RTN1: variants seen among roughly 807,000 people sequenced by gnomAD.
RTN1 encodes reticulon 1, also known as reticulon-1.
Under a neutral mutation model 65.5 loss-of-function variants are expected in RTN1, and 25 were observed. The observed-to-expected ratio is 0.38, with a 90% CI of 0.28 to 0.53. The LOEUF (loss-of-function observed/expected upper bound fraction) is 0.53. RTN1 is among the 20% of genes least tolerant of loss of function. RTN1 has a pLI of 0.79. For missense variants in RTN1, 983 were observed against 1,025.4 expected (o/e 0.96, Z 0.57); for synonymous variants, 471 against 447.6 (o/e 1.05, Z -0.66).
At chr14:59,798,458 G>C (rs1886479156) in intron 1 of RTN1, among the ~76,000 whole-genome samples, 1 of 152,182 alleles carries the variant, frequency 6.6e-6, no homozygotes, top group Admixed American at 6.5e-5. Flanking sequence ...CTAAAATCAA[G>C]GGGTTAGTAG....
chr14:59,686,940 T>C (rs1308381817), intron 3 of RTN1, among the ~76,000 whole-genome samples: 1 of 152,220 alleles, frequency 6.6e-6, no homozygotes, highest in Non-Finnish European at 1.5e-5. Flanking sequence ...CATTTTATAA[T>C]AGTCTTAGGT....
chr14:59,627,725 T>G (rs143998401), intron 3 of RTN1, among the ~76,000 whole-genome samples: 2 of 152,228 alleles, frequency 1.3e-5, no homozygotes, highest in African/African-American at 4.8e-5. Context: ...TTATATATGT[T>G]GATAAGGTTC....
At chr14:59,810,907 A>G (rs1886716954) in intron 1 of RTN1, among the ~76,000 whole-genome samples, 1 of 152,182 alleles carries the variant, frequency 6.6e-6, no homozygotes, top group African/African-American at 2.4e-5. Context: ...GCCAGATCCT[A>G]GAGACCCTTT....
At chr14:59,738,707 T>C (rs1025675301) in intron 2 of RTN1, among the ~76,000 whole-genome samples, 4 of 152,176 alleles carry the variant, frequency 2.6e-5, no homozygotes, top group African/African-American at 4.8e-5. Context: ...CACATGTATG[T>C]TTATTGCAGC....
intron 1 of RTN1, among the ~76,000 whole-genome samples, chr14:59,756,362 A>G (rs1358360587): frequency 6.6e-6 from 1 of 152,212 alleles, no homozygotes; most frequent in Admixed American, 6.5e-5. Flanking sequence ...TCCTATATAG[A>G]CATTCCTTTG....
At chr14:59,781,413 T>A (rs1886153377) in intron 1 of RTN1, among the ~76,000 whole-genome samples, 1 of 152,018 alleles carries the variant, frequency 6.6e-6, no homozygotes, top group African/African-American at 2.4e-5. Context: ...TATATGAATG[T>A]GAATCTGTTC....
chr14:59,650,735 C>G (rs763454353), intron 3 of RTN1, among the ~76,000 whole-genome samples: 28 of 152,206 alleles, frequency 1.8e-4, no homozygotes, highest in Non-Finnish European at 3.7e-4. Context: ...AATTACAAAA[C>G]ACTGCTCAAA....
chr14:59,678,354 C>G (rs958108928), intron 3 of RTN1, among the ~76,000 whole-genome samples: 16 of 152,350 alleles, frequency 1.1e-4, no homozygotes, highest in African/African-American at 3.8e-4. Context: ...CATCAATGAG[C>G]TACAAAACTT....
intron 1 of RTN1, among the ~76,000 whole-genome samples, chr14:59,830,141 C>A (rs1887100648): frequency 6.6e-6 from 1 of 152,174 alleles, no homozygotes; most frequent in African/African-American, 2.4e-5. Flanking sequence ...CCAGCAGCAC[C>A]CTGCTGTTAC....
At chr14:59,787,715 G>A (rs1185831667) in intron 1 of RTN1, among the ~76,000 whole-genome samples, 4 of 152,124 alleles carry the variant, frequency 2.6e-5, no homozygotes, top group Non-Finnish European at 4.4e-5. Context: ...TGGTGGCAGG[G>A]CTGTTGTGTC....
intron 1 of RTN1, among the ~76,000 whole-genome samples, chr14:59,814,669 C>G (rs12436827): frequency 0.17 from 25,944 of 152,118 alleles, 2,704 homozygotes; most frequent in East Asian, 0.31. Context: ...TTGAGAAAAC[C>G]CTGATTAAAA....
At chr14:59,781,399 T>C (rs563622995) in intron 1 of RTN1, among the ~76,000 whole-genome samples, 1 of 152,188 alleles carries the variant, frequency 6.6e-6, no homozygotes, top group Admixed American at 6.5e-5. Context: ...TTGCTGAATA[T>C]GCATATATGA....
intron 1 of RTN1, among the ~76,000 whole-genome samples, chr14:59,777,825 A>AACAAC (rs1566723765): frequency 5.1e-4 from 39 of 76,190 alleles, no homozygotes; most frequent in African/African-American, 2.0e-3. Context: ...ACAACAACAA[A>AACAAC]AAAAAAAAAC....
At chr14:59,610,135 C>T (rs1461110368) in intron 3 of RTN1, 9 of 776,642 alleles carry the variant, frequency 1.2e-5, no homozygotes, top group African/African-American at 1.7e-5. Flanking sequence ...GTAGAAATGG[C>T]ATGCCCTCTA....
chr14:59,655,678 G>C, intron 3 of RTN1, among the ~76,000 whole-genome samples: 1 of 152,152 alleles, frequency 6.6e-6, no homozygotes, highest in Non-Finnish European at 1.5e-5. Context: ...TCACATATAT[G>C]GTCAACTGAT....
At chr14:59,744,263 A>AGGT (rs1885171726) in intron 2 of RTN1, among the ~76,000 whole-genome samples, 1 of 152,164 alleles carries the variant, frequency 6.6e-6, no homozygotes, top group Non-Finnish European at 1.5e-5. Context: ...TGCATACCAA[A>AGGT]GCTCTTTGGG....
intron 3 of RTN1, among the ~76,000 whole-genome samples, chr14:59,719,695 C>G (rs1412222206): frequency 1.3e-5 from 2 of 152,164 alleles, no homozygotes; most frequent in Non-Finnish European, 2.9e-5. Flanking sequence ...TCTAGAAGTG[C>G]AGAAACTATG....
At chr14:59,623,906 T>A (rs1882322368) in intron 3 of RTN1, among the ~76,000 whole-genome samples, 1 of 152,256 alleles carries the variant, frequency 6.6e-6, no homozygotes, top group Admixed American at 6.5e-5. Flanking sequence ...ATGCCAATTA[T>A]CACCAAATTT....
chr14:59,783,405 T>G lies in RTN1; in HGVS notation c.242-36924A>C, dbSNP rs1227968548. On this transcript the variant is annotated intron_variant, in intron 1 of 8. Transcript: ENST00000267484. Reference sequence around the variant, plus strand: ...ATTCATTCCTCAAGAGGCTGGGTGCTTAGGGAATAATATGTCAGCTGAATT... The same window carrying G: ...ATTCATTCCTCAAGAGGCTGGGTGCGTAGGGAATAATATGTCAGCTGAATT... 2.6e-5 allele frequency among the ~76,000 whole-genome samples: 4 copies of G among 152,046 alleles called. No homozygotes were observed. The East Asian group carries it at 7.7e-4, about 29-fold the overall frequency.
Sources: allele counts gnomAD v4.1 joint callset (sites outside exome capture counted in the v4.1 genomes callset), GRCh38; gene constraint gnomAD v4.1.1; transcripts MANE v1.5; gene names NCBI Gene and HGNC (gene_info 2026-07-23, HGNC 2026-07-21).